NCKAP1L: variants seen among roughly 807,000 people sequenced by gnomAD.
NCKAP1L encodes the protein nck-associated protein 1-like.
NCKAP1L carries 53 observed loss-of-function variants against 139.2 expected under a neutral mutation model. The ratio of observed to expected loss-of-function variants is 0.38; its 90% confidence interval spans 0.31 to 0.48. The LOEUF is 0.48. NCKAP1L is among the 20% of genes least tolerant of loss of function. NCKAP1L has a pLI of 0.98. For missense variants in NCKAP1L, 1,151 were observed against 1,381.9 expected (o/e 0.83, Z 2.65); for synonymous variants, 468 against 499.7 (o/e 0.94, Z 0.85).
chr12:54,519,187 G>T lies in NCKAP1L; in HGVS notation c.1480G>T (p.Ala494Ser). Residue 494 changes from alanine to serine, a missense_variant and splice_region_variant, in exon 16 of 31, where the codon GCA becomes TCA. Physicochemically the swap from Ala to Ser is moderately conservative, Grantham distance 99. Transcript: ENST00000293373. The part of the protein sequence containing the change: ...GLRLDWFRLQ[A>S]YTSVAKAPLH... ...CACACTTTCCCAACTCCAACCGCAGGCATACACTAGCGTGGCTAAGGCCCC... is the reference window on the plus strand; with the variant it reads ...CACACTTTCCCAACTCCAACCGCAGTCATACACTAGCGTGGCTAAGGCCCC... 1.3e-6 allele frequency: 2 copies of T among 1,559,920 alleles called. No homozygotes were observed. Among genetic ancestry groups the T allele is most frequent in the Non-Finnish European group, 1.7e-6 (2 of 1,160,536 alleles).
chr12:54,514,415 G>A (rs754800570), intron 9 of NCKAP1L, among the ~76,000 whole-genome samples: 8 of 151,652 alleles, frequency 5.3e-5, no homozygotes, highest in East Asian at 1.9e-4. Context: ...TCCACCTGCC[G>A]GGTTCAAGCG....
At chr12:54,531,205 C>T (rs1297310218) in intron 22 of NCKAP1L, 55 bp from the exon 23 acceptor site, 3 of 1,323,798 alleles carry the variant, frequency 2.3e-6, no homozygotes, top group South Asian at 2.4e-5. Context: ...AGCTGTTGTA[C>T]AAATACTCCA....
intron 22 of NCKAP1L, among the ~76,000 whole-genome samples, chr12:54,528,975 A>G (rs1957047344): frequency 6.6e-6 from 1 of 152,094 alleles, no homozygotes. Context: ...AGTCTTAGCC[A>G]GTGTTTGGAT....
chr12:54,499,573 C>CT (rs1956780449), intron 2 of NCKAP1L, 108 bp downstream of exon 2: 2 of 651,468 alleles, frequency 3.1e-6, no homozygotes, highest in Non-Finnish European at 2.7e-6. Flanking sequence ...ATGGAGTAGT[C>CT]TTTTTTTATT....
At chr12:54,540,444 C>T (rs1330763078) in intron 30 of NCKAP1L, among the ~76,000 whole-genome samples, 1 of 152,122 alleles carries the variant, frequency 6.6e-6, no homozygotes, top group Admixed American at 6.6e-5. Flanking sequence ...AGAGTGAGGG[C>T]AGTGCCCATG....
rs1665347924 is a variant in NCKAP1L, at chr12:54,526,686, A to G, written c.2315A>G (p.Gln772Arg). 6.2e-7 allele frequency: 1 copy of G among 1,614,164 alleles called. No homozygotes were observed. The change falls in exon 21 of 31, where the codon CAG (glutamine) becomes CGG (arginine). Residue 772 changes from glutamine (Q) to arginine (R), a missense_variant. By Grantham distance (43) the Gln-to-Arg change is conservative. Transcript: ENST00000293373. ...ASRVIRNALL[Q>R]QTQPLDSCGE... ...AGAGTCATCCGCAACGCCCTCCTGC[A>G]GCAGACACAACCACTGGATTCCTGT...
At chr12:54,498,169 C>T (rs781123156) in intron 1 of NCKAP1L, among the ~76,000 whole-genome samples, 3 of 152,074 alleles carry the variant, frequency 2.0e-5, no homozygotes, top group Non-Finnish European at 4.4e-5. Context: ...GATGGGGAAA[C>T]AACAGTGGTA....
intron 11 of NCKAP1L, 133 bp downstream of exon 11, chr12:54,517,125 A>G (rs1956939615): frequency 4.1e-6 from 3 of 723,612 alleles, no homozygotes; most frequent in Non-Finnish European, 7.1e-6. Context: ...ATTCCCTTGA[A>G]CATTCTTGGA....
Position 54,531,485 on chromosome 12 carries a change from C to T in NCKAP1L, c.2605-6C>T. The T allele has an allele frequency of 6.2e-7, 1 of 1,613,980 alleles. No homozygotes were observed. The highest frequency in any genetic ancestry group is 8.5e-7 in the Non-Finnish European group (1 of 1,179,852). On this transcript the variant is annotated splice_polypyrimidine_tract_variant and splice_region_variant and intron_variant, in intron 23 of 30. Transcript: ENST00000293373. Reference sequence around the variant, plus strand: ...TGCTTAATGTCTCTGTGTTCCTGGACTACAGAAGCTGGTGGTGGAAAACAT... The same window carrying T: ...TGCTTAATGTCTCTGTGTTCCTGGATTACAGAAGCTGGTGGTGGAAAACAT...
intron 26 of NCKAP1L, among the ~76,000 whole-genome samples, chr12:54,534,207 A>C (rs1957096736): frequency 1.3e-5 from 2 of 152,224 alleles, no homozygotes; most frequent in Admixed American, 1.3e-4. Context: ...TGTGTGGTCT[A>C]ATTTAATCTT....
chr12:54,507,654 A>G (rs1371476437), intron 3 of NCKAP1L, among the ~76,000 whole-genome samples, 199 bp from the exon 4 acceptor site: 1 of 152,158 alleles, frequency 6.6e-6, no homozygotes, highest in African/African-American at 2.4e-5. Context: ...AAATGTAGGC[A>G]TTTGGCAGTG....
In NCKAP1L at chr12:54,531,491, A is replaced by G; in HGVS notation, c.2605A>G (p.Lys869Glu). ...HVTSQIVELK[K>E]LVVENMDILV... ...ATGTCTCTGTGTTCCTGGACTACAG[A>G]AGCTGGTGGTGGAAAACATGGACAT... Residue 869 changes from lysine to glutamate, a missense_variant and splice_region_variant, in exon 24 of 31, where the codon AAG becomes GAG. Coordinates refer to ENST00000293373, the MANE Select transcript of NCKAP1L (RefSeq NM_005337.5). 1 of 1,614,168 alleles carries G rather than the reference A, an allele frequency of 6.2e-7. No homozygotes were observed. Among genetic ancestry groups the G allele is most frequent in the Admixed American group, 1.7e-5 (1 of 60,028 alleles).
At chr12:54,527,640 GA>G (rs897716298) in intron 21 of NCKAP1L, among the ~76,000 whole-genome samples, 19 of 151,356 alleles carry the variant, frequency 1.3e-4, no homozygotes, top group African/African-American at 2.9e-4. Flanking sequence ...AAATTCAAAG[GA>G]AAAAAAAAGT....
intron 7 of NCKAP1L, 81 bp downstream of exon 7, chr12:54,510,066 A>T: frequency 6.6e-7 from 1 of 1,525,616 alleles, no homozygotes; most frequent in Non-Finnish European, 8.9e-7. Flanking sequence ...TTCTTTCAGG[A>T]AATATCAGTA....
At chr12:54,508,837 G>A (rs1018345758) in intron 5 of NCKAP1L, among the ~76,000 whole-genome samples, 12 of 152,094 alleles carry the variant, frequency 7.9e-5, no homozygotes, top group Non-Finnish European at 1.5e-4. Flanking sequence ...TGTGGGTTCC[G>A]CAGCACTGAC....
At chr12:54,502,617 C>T (rs1242578484) in intron 3 of NCKAP1L, among the ~76,000 whole-genome samples, 3 of 151,820 alleles carry the variant, frequency 2.0e-5, no homozygotes, top group African/African-American at 7.3e-5. Flanking sequence ...CTTACCCAAC[C>T]CTAATATAAT....
intron 30 of NCKAP1L, among the ~76,000 whole-genome samples, chr12:54,539,556 A>C (rs1957141211): frequency 6.6e-6 from 1 of 152,030 alleles, no homozygotes; most frequent in Non-Finnish European, 1.5e-5. Context: ...GGGAACTCTG[A>C]CTCAGTTAAC....
chr12:54,532,291 T>C, intron 26 of NCKAP1L, 41 bp downstream of exon 26: 1 of 1,538,174 alleles, frequency 6.5e-7, no homozygotes, highest in Non-Finnish European at 8.9e-7. Flanking sequence ...AGGAGACTTT[T>C]GTTGTTGAAA....
At chr12:54,536,729 AC>A (rs1957116458) in intron 28 of NCKAP1L, among the ~76,000 whole-genome samples, 2 of 141,598 alleles carry the variant, frequency 1.4e-5, no homozygotes, top group Non-Finnish European at 3.1e-5. Context: ...AAAAAAAAAA[AC>A]CAGAATGAGA....
Sources: gnomAD v4.1 joint callset for allele counts (sites outside exome capture counted in the v4.1 genomes callset) on GRCh38, gnomAD v4.1.1 for gene constraint, MANE v1.5 for transcripts, NCBI Gene and HGNC (gene_info 2026-07-23, HGNC 2026-07-21) for gene names.